The following RAD50 variants were observed in gnomAD, a reference collection of about 807,000 sequenced individuals.
The protein encoded by RAD50 is DNA repair protein RAD50.
In RAD50, 132 loss-of-function variants were observed where a neutral mutation model predicts 168.8. That is an observed-to-expected ratio of 0.78 (90% CI 0.68 to 0.90). RAD50 has a LOEUF of 0.90. Ranked by LOEUF, RAD50 falls within the 40% of genes least tolerant of loss-of-function variation. RAD50 has a pLI of 0.00. For missense variants in RAD50, 1,347 were observed against 1,534.4 expected (o/e 0.88, Z 2.04); for synonymous variants, 525 against 497.4 (o/e 1.06, Z -0.74).
chr5:132,621,777 G>T (rs1303898107), intron 21 of RAD50, among the ~76,000 whole-genome samples: 1 of 152,000 alleles, frequency 6.6e-6, no homozygotes, highest in Non-Finnish European at 1.5e-5. Flanking sequence ...GGTTCTCTTA[G>T]GATTTTTCCC....
intron 21 of RAD50, among the ~76,000 whole-genome samples, chr5:132,618,582 A>G (rs1446248007): frequency 1.3e-5 from 2 of 151,980 alleles, no homozygotes; most frequent in African/African-American, 4.8e-5. Flanking sequence ...TTCTCCATGT[A>G]GGTCAGGCTG....
chr5:132,587,455 A>G, intron 5 of RAD50, 107 bp from the exon 6 acceptor site: 1 of 1,483,526 alleles, frequency 6.7e-7, no homozygotes, highest in Non-Finnish European at 9.1e-7. Flanking sequence ...GCCTTAAATG[A>G]GATCACTTTT....
At chr5:132,634,373 G>A (rs1751533915) in intron 21 of RAD50, among the ~76,000 whole-genome samples, 1 of 150,582 alleles carries the variant, frequency 6.6e-6, no homozygotes, top group African/African-American at 2.4e-5. Context: ...TCCTATTGGT[G>A]TTTGCCTCTA....
chr5:132,572,045 C>T (rs867114980), intron 2 of RAD50, among the ~76,000 whole-genome samples: 9 of 152,058 alleles, frequency 5.9e-5, no homozygotes, highest in East Asian at 1.9e-4. Context: ...CTCTAAAGGA[C>T]GTACTGGGAC....
chr5:132,619,811 T>C lies in RAD50; in HGVS notation c.3389+1517T>C, dbSNP rs1226629928. ...CTCTCTCTCTCTCTCTCTCTCTCTCTACTCCTCTCTCTCTCTCTCTCTCTC... is the reference window on the plus strand; with the variant it reads ...CTCTCTCTCTCTCTCTCTCTCTCTCCACTCCTCTCTCTCTCTCTCTCTCTC... On this transcript the variant is annotated intron_variant, in intron 21 of 24. Coordinates refer to ENST00000378823, the MANE Select transcript of RAD50 (RefSeq NM_005732.4). 1.5e-5 allele frequency among the ~76,000 whole-genome samples: 2 copies of C among 130,994 alleles called. 1 individual carries two copies. Among genetic ancestry groups the C allele is most frequent in the Non-Finnish European group, 3.1e-5 (2 of 64,472 alleles). The allele number at this position is 130,994 out of a possible 152,430, so 85.9% of individuals were successfully genotyped here. A position where few individuals can be genotyped will look rare whatever the true frequency, so the allele number is the denominator to read the frequency against.
intron 19 of RAD50, among the ~76,000 whole-genome samples, chr5:132,615,674 A>G (rs1751162441): frequency 6.6e-6 from 1 of 152,212 alleles, no homozygotes; most frequent in Non-Finnish European, 1.5e-5. Flanking sequence ...TGTTTTTAAT[A>G]CTTTATAAGT....
chr5:132,625,211 C>T (rs1751352547), intron 21 of RAD50, among the ~76,000 whole-genome samples: 2 of 150,288 alleles, frequency 1.3e-5, no homozygotes, highest in South Asian at 2.1e-4. Flanking sequence ...CTCAGCCTCC[C>T]AAGTAGCTGG....
intron 9 of RAD50, among the ~76,000 whole-genome samples, chr5:132,590,458 G>A (rs1750678502): frequency 1.3e-5 from 2 of 151,750 alleles, no homozygotes; most frequent in Admixed American, 1.3e-4. Context: ...TGACAGAGTG[G>A]GACTCCATCT....
At chr5:132,611,730 G>T (rs1413985331) in intron 19 of RAD50, among the ~76,000 whole-genome samples, 1 of 124,676 alleles carries the variant, frequency 8.0e-6, no homozygotes, top group Non-Finnish European at 1.7e-5. Flanking sequence ...AAAAAAAAAA[G>T]TCACAATTAG....
At position 132,637,943 on chromosome 5, in the gene RAD50, A is replaced by G. The variant is rs1751624481; in HGVS notation, c.3476-138A>G. On this transcript the variant is annotated intron_variant, in intron 22 of 24. Coordinates refer to ENST00000378823, the MANE Select transcript of RAD50 (RefSeq NM_005732.4). ...CTCTTGAATCCTCCCAGCCAGAGAAAGAGTTTCCACACCAGCCATTGTTTT... is the reference window on the plus strand; with the variant it reads ...CTCTTGAATCCTCCCAGCCAGAGAAGGAGTTTCCACACCAGCCATTGTTTT... 4.0e-6 allele frequency: 4 copies of G among 994,950 alleles called. No homozygotes were observed. In the South Asian group the frequency reaches 4.5e-5, roughly 11 times the overall value. The allele number at this position is 994,950 out of a possible 1,614,324, so 61.6% of individuals were successfully genotyped here. A position where few individuals can be genotyped will look rare whatever the true frequency, so the allele number is the denominator to read the frequency against.
At chr5:132,613,662 G>C (rs963502461) in intron 19 of RAD50, among the ~76,000 whole-genome samples, 1 of 145,840 alleles carries the variant, frequency 6.9e-6, no homozygotes, top group Admixed American at 6.9e-5. Flanking sequence ...GGAGTGCAGT[G>C]GCACAATCTC....
chr5:132,579,377 T>C lies in RAD50; in HGVS notation c.426T>C (p.Ser142=), dbSNP rs368752746. 183 of 1,613,918 alleles carry C rather than the reference T, an allele frequency of 1.1e-4. No individual in the cohort carries two copies. The highest frequency in any genetic ancestry group is 1.5e-4 in the Non-Finnish European group (177 of 1,179,946). The part of the protein sequence containing the change: ...KCAEIDREMI[S]SLGVSKAVLN... ...CAGAAATTGACCGAGAAATGATCAG[T>C]TCTCTTGGGGTTTCCAAGGCTGTGC... is the stretch of plus-strand genomic sequence containing the variant. Residue 142 remains serine, a synonymous_variant, in exon 4 of 25, where the codon AGT becomes AGC. Coordinates refer to ENST00000378823, the MANE Select transcript of RAD50 (RefSeq NM_005732.4).
At chr5:132,636,296 C>A (rs1269580453) in intron 21 of RAD50, among the ~76,000 whole-genome samples, 3 of 152,190 alleles carry the variant, frequency 2.0e-5, no homozygotes, top group Non-Finnish European at 4.4e-5. Context: ...TTTGCTTTTA[C>A]AAACATTTCT....
intron 19 of RAD50, among the ~76,000 whole-genome samples, chr5:132,612,140 TAAAC>T (rs1219700985): frequency 1.1e-4 from 17 of 152,172 alleles, no homozygotes; most frequent in African/African-American, 2.7e-4. Flanking sequence ...GATGATCAGA[TAAAC>T]AAAATGTGGT....
In RAD50 at chr5:132,579,165, C is replaced by A. The variant is rs17622899; in HGVS notation, c.366-152C>A. 222 of 740,104 alleles carry A rather than the reference C, an allele frequency of 3.0e-4. 3 individuals are homozygous for A. Among genetic ancestry groups the A allele is most frequent in the South Asian group, 2.4e-3 (135 of 56,444 alleles). 45.8% of individuals were successfully genotyped at this position (740,104 alleles called of 1,614,324 possible). On this transcript the variant is annotated intron_variant, in intron 3 of 24. Coordinates refer to ENST00000378823, the MANE Select transcript of RAD50 (RefSeq NM_005732.4). ...GAACCGTTAAATAGTTTAAGAGTTA[C>A]ACTTTTTAGCATGATGAAGCCATTT... is the stretch of plus-strand genomic sequence containing the variant.
At chr5:132,638,589 A>G (rs986705216) in intron 23 of RAD50, among the ~76,000 whole-genome samples, 5 of 152,246 alleles carry the variant, frequency 3.3e-5, no homozygotes, top group Middle Eastern at 3.2e-3. Context: ...AAAAAATGCA[A>G]TTATAACCAT....
At chr5:132,594,123 G>C (rs1400112969) in intron 11 of RAD50, among the ~76,000 whole-genome samples, 2 of 152,152 alleles carry the variant, frequency 1.3e-5, no homozygotes, top group African/African-American at 4.8e-5. Flanking sequence ...CTCAGGATGG[G>C]TAGTCATGAT....
chr5:132,605,745 C>G (rs1750974357), intron 16 of RAD50, among the ~76,000 whole-genome samples: 2 of 152,130 alleles, frequency 1.3e-5, no homozygotes, highest in Admixed American at 1.3e-4. Context: ...ACACTCTCAG[C>G]AAATGCAAAA....
In RAD50 at chr5:132,609,190, G is replaced by A. The variant is rs199895166; in HGVS notation, c.2903G>A (p.Gly968Glu). 3.4e-5 allele frequency: 55 copies of A among 1,611,504 alleles called. No individual in the cohort carries two copies. The African/African-American group carries it at 6.5e-4, about 19-fold the overall frequency. ...MKDIENYIQD[G>E]KDDYKKQKET... The stretch of plus-strand genomic sequence containing the variant: ...GACATTGAGAATTATATTCAAGATG[G>A]GAAAGACGACTATAAGAAGGTAATT... The change falls in exon 18 of 25, where the codon GGG (glycine) becomes GAG (glutamate). Residue 968 changes from glycine to glutamate, a missense_variant. Gly to Glu is a moderately conservative substitution (Grantham distance 98). Transcript: ENST00000378823.
Sources: allele counts gnomAD v4.1 joint callset (sites outside exome capture counted in the v4.1 genomes callset), GRCh38; gene constraint gnomAD v4.1.1; transcripts MANE v1.5; gene names NCBI Gene and HGNC (gene_info 2026-07-23, HGNC 2026-07-21).